Variants in SNX29 observed in about 807,000 individuals in gnomAD.
The protein encoded by SNX29 is sorting nexin 29.
A neutral mutation model predicts 102.1 loss-of-function variants in SNX29; 78 were observed. The observed-to-expected ratio is 0.76, with a 90% CI of 0.64 to 0.92. The LOEUF is 0.92. Ranked by LOEUF, SNX29 falls within the 40% of genes least tolerant of loss-of-function variation. The pLI is 0.00. For synonymous variants in SNX29, 580 were observed against 414.5 expected, an observed-to-expected ratio of 1.40 and a Z score of -4.85; for missense variants, 1,280 against 1,061.7, an observed-to-expected ratio of 1.21 and a Z score of -2.86.
chr16:12,544,744 T>C (rs2077508942), intron 20 of SNX29, among the ~76,000 whole-genome samples: 1 of 151,862 alleles, frequency 6.6e-6, no homozygotes, highest in African/African-American at 2.4e-5. Context: ...CCCAGAGAGG[T>C]GAAGGGACGT....
intron 20 of SNX29, chr16:12,546,622 T>C (rs561208548): frequency 6.6e-6 from 1 of 152,332 alleles, no homozygotes; most frequent in African/African-American, 2.4e-5. Flanking sequence ...AATGCCAGAT[T>C]GATCTATTGA....
At chr16:12,236,175 C>G (rs1026135660) in intron 14 of SNX29, among the ~76,000 whole-genome samples, 17 of 152,094 alleles carry the variant, frequency 1.1e-4, no homozygotes, top group Non-Finnish European at 2.2e-4. Flanking sequence ...TCATCAAATA[C>G]CCATCCACTG....
intron 19 of SNX29, among the ~76,000 whole-genome samples, chr16:12,487,338 T>G (rs992250740): frequency 2.2e-4 from 33 of 152,160 alleles, no homozygotes; most frequent in African/African-American, 8.0e-4. Context: ...AGCCAGTGTT[T>G]CCATGTACAC....
At chr16:12,062,520 G>A (rs2050822387) in intron 9 of SNX29, among the ~76,000 whole-genome samples, 2 of 152,126 alleles carry the variant, frequency 1.3e-5, no homozygotes, top group African/African-American at 4.8e-5. Flanking sequence ...GTCATGGGGA[G>A]GACGTGGTTG....
chr16:12,528,849 A>T (rs1011064089), intron 20 of SNX29, among the ~76,000 whole-genome samples: 3 of 152,216 alleles, frequency 2.0e-5, no homozygotes, highest in African/African-American at 7.2e-5. Context: ...TGGTGGTCCC[A>T]TTCTGGTTTG....
chr16:12,453,732 C>T (rs961696416), intron 18 of SNX29, among the ~76,000 whole-genome samples: 1 of 152,168 alleles, frequency 6.6e-6, no homozygotes, highest in Non-Finnish European at 1.5e-5. Flanking sequence ...CCTTCAAAGA[C>T]TGCAGTGGGA....
intron 20 of SNX29, among the ~76,000 whole-genome samples, chr16:12,556,981 T>C (rs910719335): frequency 6.1e-5 from 9 of 146,554 alleles, no homozygotes; most frequent in Non-Finnish European, 1.3e-4. Context: ...CATGAGTAGC[T>C]GGACAACAGG....
rs1391272997 is a variant in SNX29 at position 12,285,711 on chromosome 16, C to T, written c.1782+7675C>T. Reference sequence around the variant, plus strand: ...GGTTCCAACACTTCTCATGCGTGTCCAGGAGTCATTTTTGTATAAGAGCAG... The same window carrying T: ...GGTTCCAACACTTCTCATGCGTGTCTAGGAGTCATTTTTGTATAAGAGCAG... On this transcript the variant is annotated intron_variant, in intron 15 of 20. Coordinates refer to ENST00000566228, the MANE Select transcript of SNX29 (RefSeq NM_032167.5). 2.0e-5 allele frequency among the ~76,000 whole-genome samples: 3 copies of T among 152,228 alleles called. 1 individual carries two copies. The highest frequency in any genetic ancestry group is 4.1e-4 in the South Asian group (2 of 4,822).
intron 16 of SNX29, among the ~76,000 whole-genome samples, chr16:12,397,479 TTGTGGGGAG>T (rs2083762409): frequency 6.6e-6 from 1 of 152,140 alleles, no homozygotes; most frequent in Non-Finnish European, 1.5e-5. Flanking sequence ...TTGCTGGGGA[TTGTGGGGAG>T]TGTGGAAACC....
At chr16:12,123,241 T>C (rs147682918) in intron 11 of SNX29, among the ~76,000 whole-genome samples, 3 of 152,332 alleles carry the variant, frequency 2.0e-5, no homozygotes, top group African/African-American at 4.8e-5. Context: ...GATGAACATA[T>C]ACGCCACCTC....
intron 13 of SNX29, among the ~76,000 whole-genome samples, chr16:12,148,150 G>C (rs558180810): frequency 2.6e-5 from 4 of 152,184 alleles, no homozygotes; most frequent in East Asian, 1.9e-4. Flanking sequence ...TCCTTCAAAT[G>C]CATTCTTACT....
At chr16:12,536,992 TAAA>T (rs527497766) in intron 20 of SNX29, among the ~76,000 whole-genome samples, 16 of 117,042 alleles carry the variant, frequency 1.4e-4, no homozygotes, top group South Asian at 5.4e-4. Flanking sequence ...AAAAATAAAA[TAAA>T]AAGAGTTGTT....
chr16:12,441,249 G>A (rs748997611), intron 18 of SNX29, among the ~76,000 whole-genome samples: 3 of 151,866 alleles, frequency 2.0e-5, no homozygotes, highest in South Asian at 2.1e-4. Flanking sequence ...CACTGCACCC[G>A]GCTGATTTTT....
In SNX29 at chr16:12,558,563, C is replaced by T. The variant is rs150964720; in HGVS notation, c.2319-9943C>T. Among the ~76,000 whole-genome samples the T allele has an allele frequency of 1.4e-4, 21 of 152,344 alleles. No homozygotes were observed. In the East Asian group the frequency reaches 2.1e-3, roughly 15 times the overall value. The stretch of plus-strand genomic sequence containing the variant: ...CACAGTGCCATGCCTCTCAGTACCC[C>T]GTCCATGGTGGATCCATACACCTGT... On this transcript the variant is annotated intron_variant, in intron 20 of 20. Transcript: ENST00000566228.
intron 18 of SNX29, among the ~76,000 whole-genome samples, chr16:12,450,096 T>C (rs1260462498): frequency 6.6e-6 from 1 of 152,212 alleles, no homozygotes; most frequent in Non-Finnish European, 1.5e-5. Context: ...CCTGCCACCA[T>C]GTAAGAGGTG....
chr16:12,407,968 G>T (rs945329227), intron 18 of SNX29, among the ~76,000 whole-genome samples: 1 of 152,056 alleles, frequency 6.6e-6, no homozygotes, highest in Non-Finnish European at 1.5e-5. Context: ...TTCAGCCTAC[G>T]CAACACAGTG....
intron 15 of SNX29, among the ~76,000 whole-genome samples, chr16:12,309,751 G>C (rs187899905): frequency 2.0e-5 from 3 of 152,156 alleles, no homozygotes; most frequent in Non-Finnish European, 4.4e-5. Context: ...TTAGTATCTG[G>C]CTGCAGGTAT....
At chr16:12,087,933 C>A in intron 11 of SNX29, 1 of 456,778 alleles carries the variant, frequency 2.2e-6, no homozygotes, top group Non-Finnish European at 4.4e-6. Flanking sequence ...CTCTGCAATA[C>A]GCTTTTGAAG....
At chr16:12,013,523 A>G (rs1239085147) in intron 3 of SNX29, among the ~76,000 whole-genome samples, 1 of 115,976 alleles carries the variant, frequency 8.6e-6, no homozygotes, top group Non-Finnish European at 1.8e-5. Flanking sequence ...ATATATATAT[A>G]TATATATATA....
Sources: allele counts gnomAD v4.1 joint callset (sites outside exome capture counted in the v4.1 genomes callset), GRCh38; gene constraint gnomAD v4.1.1; transcripts MANE v1.5; gene names NCBI Gene and HGNC (gene_info 2026-07-23, HGNC 2026-07-21).